The following NPIPA2 variants were observed in gnomAD, a reference collection of about 807,000 sequenced individuals.
NPIPA2 encodes nuclear pore complex interacting protein family member A2.
For synonymous variants in NPIPA2, 1 was observed against 57.3 expected (o/e 0.02, Z 4.44); for missense variants, 3 against 137.5 (o/e 0.02, Z 4.89).
At chr16:14,749,155 A>T (rs1393274500) in intron 1 of NPIPA2, among the ~76,000 whole-genome samples, 841 of 15,954 alleles carry the variant, frequency 0.053, 18 homozygotes, top group African/African-American at 0.078. Context: ...ATATATATAT[A>T]TTTTTTTTTT....
In NPIPA2 at chr16:14,749,136, C is replaced by CAT. The variant is rs1258156935; in HGVS notation, c.120+970_120+971dup. Reference sequence around the variant, plus strand: ...ACACAGACAGACACACACACACACACATATATATATATATATATATTTTTT... The same window carrying CAT: ...ACACAGACAGACACACACACACACACATATATATATATATATATATATTTTTT... On this transcript the variant is annotated intron_variant, in intron 1 of 7. Coordinates refer to ENST00000529166, the Ensembl canonical transcript of NPIPA2. Among the ~76,000 whole-genome samples, 50 of 19,178 alleles carry CAT rather than the reference C, an allele frequency of 2.6e-3. 3 individuals carry two copies. The highest frequency in any genetic ancestry group is 0.11 in the Middle Eastern group (2 of 18). The allele number at this position is 19,178 out of a possible 152,430, so 12.6% of individuals were successfully genotyped here.
In NPIPA2 at chr16:14,761,433, C is replaced by T. The variant is rs1962257197; in HGVS notation, c.495-879C>T. ...AAGTGTTTTCATCCCTGTTTCCTAG[C>T]ATTCTGGGAATTTTACACATCCTTC... On this transcript the variant is annotated intron_variant, in intron 4 of 7. Coordinates refer to ENST00000529166, the Ensembl canonical transcript of NPIPA2. 3.4e-5 allele frequency among the ~76,000 whole-genome samples: 2 copies of T among 59,350 alleles called. 1 individual carries two copies. Among genetic ancestry groups the T allele is most frequent in the Admixed American group, 5.0e-4 (2 of 4,032 alleles). The allele number at this position is 59,350 out of a possible 152,430, so 38.9% of individuals were successfully genotyped here. A position where few individuals can be genotyped will look rare whatever the true frequency, so the allele number is the denominator to read the frequency against.
rs776324966 is a variant in NPIPA2 at position 14,765,317 on chromosome 16, AG to A, written c.1015del (p.Ala339LeufsTer26). On this transcript the variant is annotated frameshift_variant, in exon 8 of 8. Coordinates refer to ENST00000529166, the Ensembl canonical transcript of NPIPA2. LOFTEE classifies it high-confidence loss of function. ...GTCTGCTCACTCCCCTTCCACCCTC[AG>A]CTCCACCCTCAGCGGATGATAATCT... The A allele has an allele frequency of 6.3e-7, 1 of 1,598,056 alleles. No homozygotes were observed. The highest frequency in any genetic ancestry group is 8.5e-7 in the Non-Finnish European group (1 of 1,176,828).
At chr16:14,758,640 T>A (rs1470457396) in intron 2 of NPIPA2, among the ~76,000 whole-genome samples, 113 of 73,760 alleles carry the variant, frequency 1.5e-3, no homozygotes, top group Middle Eastern at 6.7e-3. Context: ...TGTGTGTGTG[T>A]GTGACAGAGT....
rs1298112768 is a variant in NPIPA2 at position 14,749,156 on chromosome 16, T to TATA, written c.120+971_120+972insATA. On this transcript the variant is annotated intron_variant, in intron 1 of 7. Transcript: ENST00000529166. ...ACACACATATATATATATATATATA[T>TATA]TTTTTTTTTTTTTTTTTGAGACAGA... Among the ~76,000 whole-genome samples, 16 of 15,782 alleles carry TATA rather than the reference T, an allele frequency of 1.0e-3. 1 individual carries two copies. The highest frequency in any genetic ancestry group is 1.4e-3 in the Non-Finnish European group (6 of 4,420). 10.4% of individuals were successfully genotyped at this position (15,782 alleles called of 152,430 possible). A position where few individuals can be genotyped will look rare whatever the true frequency, so the allele number is the denominator to read the frequency against.
At chr16:14,749,100 TAC>T (rs551013895) in intron 1 of NPIPA2, among the ~76,000 whole-genome samples, 4 of 15,672 alleles carry the variant, frequency 2.6e-4, no homozygotes, top group African/African-American at 3.7e-4. Flanking sequence ...TTTATATAGA[TAC>T]ACACACACAC....
At chr16:14,757,984 T>TG (rs1216990647) in intron 2 of NPIPA2, among the ~76,000 whole-genome samples, 1 of 794 alleles carries the variant, frequency 1.3e-3, no homozygotes, top group Non-Finnish European at 0.011. Context: ...TGTCATTTTT[T>TG]TTTTTTTTTT....
Position 14,764,992 on chromosome 16 carries a change from T to G in NPIPA2, c.700-11T>G. The G allele has an allele frequency of 2.0e-6, 1 of 499,540 alleles. No homozygotes were observed. Among genetic ancestry groups the G allele is most frequent in the South Asian group, 2.1e-5 (1 of 46,850 alleles). The allele number at this position is 499,540 out of a possible 1,614,324, so 30.9% of individuals were successfully genotyped here. Reference sequence around the variant, plus strand: ...ATATGTGTGAAAACATTCCCTCCTTTGGCCCTACAGGTCAGAATGGCGGCA... The same window carrying G: ...ATATGTGTGAAAACATTCCCTCCTTGGGCCCTACAGGTCAGAATGGCGGCA... On this transcript the variant is annotated splice_polypyrimidine_tract_variant and intron_variant, in intron 7 of 7. Transcript: ENST00000529166.
rs1258156935 is a variant in NPIPA2 at position 14,749,136 on chromosome 16, CATAT to C, written c.120+968_120+971del. On this transcript the variant is annotated intron_variant, in intron 1 of 7. Coordinates refer to ENST00000529166, the Ensembl canonical transcript of NPIPA2. The stretch of plus-strand genomic sequence containing the variant: ...ACACAGACAGACACACACACACACA[CATAT>C]ATATATATATATATATTTTTTTTTT... Among the ~76,000 whole-genome samples the C allele has an allele frequency of 3.6e-4, 7 of 19,204 alleles. 2 individuals carry two copies. The highest frequency in any genetic ancestry group is 2.1e-3 in the Admixed American group (2 of 942). 12.6% of individuals were successfully genotyped at this position (19,204 alleles called of 152,430 possible). A position where few individuals can be genotyped will look rare whatever the true frequency, so the allele number is the denominator to read the frequency against.
At chr16:14,761,054 C>A (rs1390395808) in intron 4 of NPIPA2, among the ~76,000 whole-genome samples, 1 of 776 alleles carries the variant, frequency 1.3e-3, no homozygotes, top group African/African-American at 2.2e-3. Context: ...GCCATGTGAG[C>A]AATTTGATGT....
chr16:14,758,250 A>AT (rs1323413588), intron 2 of NPIPA2, among the ~76,000 whole-genome samples: 1 of 74,752 alleles, frequency 1.3e-5, no homozygotes, highest in Non-Finnish European at 3.2e-5. Context: ...AAGTGCTGGG[A>AT]TTACAGGCGT....
At chr16:14,749,161 T>A (rs1282475212) in intron 1 of NPIPA2, among the ~76,000 whole-genome samples, 8 of 37,270 alleles carry the variant, frequency 2.1e-4, no homozygotes, top group African/African-American at 4.2e-4. Flanking sequence ...ATATATTTTT[T>A]TTTTTTTTTT....
rs1250044125 is a variant in NPIPA2 at position 14,758,578 on chromosome 16, G to T, written c.250-369G>T. On this transcript the variant is annotated intron_variant, in intron 2 of 7. Transcript: ENST00000529166. ...ATTACAGGAGTGAGCCACCGTGCCAGCCTCATGTCATTCTTTGTGTGTGTG... is the reference window on the plus strand; with the variant it reads ...ATTACAGGAGTGAGCCACCGTGCCATCCTCATGTCATTCTTTGTGTGTGTG... Among the ~76,000 whole-genome samples the T allele has an allele frequency of 6.3e-5, 4 of 63,444 alleles. No individual in the cohort carries two copies. The Admixed American group carries it at 6.6e-4, about 10-fold the overall frequency. 41.6% of individuals were successfully genotyped at this position (63,444 alleles called of 152,430 possible).
chr16:14,749,120 G>GACAC (rs1176228175), intron 1 of NPIPA2, among the ~76,000 whole-genome samples: 1 of 16,982 alleles, frequency 5.9e-5, no homozygotes, highest in South Asian at 6.5e-3. Flanking sequence ...CACACAGACA[G>GACAC]ACACACACAC....
exon 8 of NPIPA2, chr16:14,765,153 A>C: frequency 8.5e-7 from 1 of 1,179,278 alleles, no homozygotes; most frequent in Non-Finnish European, 1.2e-6. Context: ...GAGCCTCAAG[A>C]CACCTCCCGA....
chr16:14,761,497 G>T (rs1962259442), intron 4 of NPIPA2, among the ~76,000 whole-genome samples: 1 of 44,270 alleles, frequency 2.3e-5, no homozygotes, highest in African/African-American at 6.1e-5. Flanking sequence ...TTAGGATCAG[G>T]ACCATGAATC....
At chr16:14,761,320 C>T (rs1962252144) in intron 4 of NPIPA2, among the ~76,000 whole-genome samples, 1 of 34,790 alleles carries the variant, frequency 2.9e-5, no homozygotes, top group Non-Finnish European at 6.5e-5. Flanking sequence ...CAGCACCTCA[C>T]CACACACACC....
intron 2 of NPIPA2, among the ~76,000 whole-genome samples, chr16:14,758,668 G>T: frequency 1.3e-5 from 1 of 74,978 alleles, no homozygotes; most frequent in Non-Finnish European, 3.2e-5. Context: ...TGTCGCTCAG[G>T]CTGGAGTGCA....
intron 1 of NPIPA2, among the ~76,000 whole-genome samples, chr16:14,749,153 A>AT (rs1349892213): frequency 3.8e-4 from 7 of 18,348 alleles, no homozygotes; most frequent in Non-Finnish European, 1.0e-3. Context: ...ATATATATAT[A>AT]TATTTTTTTT....
Sources: allele counts gnomAD v4.1 joint callset (sites outside exome capture counted in the v4.1 genomes callset), GRCh38; gene constraint gnomAD v4.1.1; transcripts MANE v1.5; gene names NCBI Gene and HGNC (gene_info 2026-07-23, HGNC 2026-07-21).